Variants in IQGAP1 observed in about 807,000 individuals in gnomAD.
IQGAP1 encodes the protein ras GTPase-activating-like protein IQGAP1.
A neutral mutation model predicts 215.6 loss-of-function variants in IQGAP1; 66 were observed. The ratio of observed to expected loss-of-function variants is 0.31; its 90% CI spans 0.25 to 0.38. The LOEUF (loss-of-function observed/expected upper bound fraction) is 0.38, where lower values mean the gene tolerates loss of function less well. IQGAP1 is among the 10% of genes least tolerant of loss of function. The probability of loss-of-function intolerance (pLI) is 1.00; values close to 1 mark genes in which losing one functional copy is unlikely to be tolerated. For missense variants in IQGAP1, 1,712 were observed against 1,997.1 expected (o/e 0.86, Z 2.72); for synonymous variants, 772 against 728.7 (o/e 1.06, Z -0.96).
At chr15:90,435,031 T>G (rs1459753663) in intron 5 of IQGAP1, among the ~76,000 whole-genome samples, 1 of 152,224 alleles carries the variant, frequency 6.6e-6, no homozygotes, top group Non-Finnish European at 1.5e-5. Flanking sequence ...AGGTATATAA[T>G]ACTGATCTAT....
At chr15:90,406,190 C>T (rs74916059) in intron 2 of IQGAP1, among the ~76,000 whole-genome samples, 2 of 152,174 alleles carry the variant, frequency 1.3e-5, no homozygotes, top group Non-Finnish European at 2.9e-5. Flanking sequence ...TTGTCAGATG[C>T]ATAACTTATG....
chr15:90,450,567 C>T (rs1298668650), intron 11 of IQGAP1, among the ~76,000 whole-genome samples: 2 of 151,652 alleles, frequency 1.3e-5, no homozygotes, highest in Admixed American at 6.6e-5. Flanking sequence ...TTTATATTCC[C>T]ATCAACAGTG....
chr15:90,388,468 G>A (rs1208413750), intron 1 of IQGAP1, 72 bp downstream of exon 1: 11 of 1,351,096 alleles, frequency 8.1e-6, no homozygotes, highest in Non-Finnish European at 9.8e-6. Context: ...TTTTCCTGGG[G>A]GCTCGGCCGG....
intron 26 of IQGAP1, among the ~76,000 whole-genome samples, chr15:90,480,763 G>A (rs559843814): frequency 2.2e-4 from 34 of 152,274 alleles, no homozygotes; most frequent in Middle Eastern, 6.8e-3. Context: ...CTGCCTCCCT[G>A]GTTCAAGCGA....
At chr15:90,405,470 C>A (rs192699651) in intron 2 of IQGAP1, among the ~76,000 whole-genome samples, 3 of 152,164 alleles carry the variant, frequency 2.0e-5, no homozygotes, top group Non-Finnish European at 4.4e-5. Context: ...ATAATTTATT[C>A]TTTGTGTAAA....
At chr15:90,413,806 T>C (rs1965003648) in intron 2 of IQGAP1, among the ~76,000 whole-genome samples, 1 of 152,204 alleles carries the variant, frequency 6.6e-6, no homozygotes, top group African/African-American at 2.4e-5. Flanking sequence ...TGAAGTTTGG[T>C]GTGTTGCTAA....
At chr15:90,429,774 G>T in intron 4 of IQGAP1, 108 bp downstream of exon 4, 1 of 631,712 alleles carries the variant, frequency 1.6e-6, no homozygotes, top group South Asian at 2.7e-5. Context: ...AATCTTTGGT[G>T]TTTTTTTAAA....
chr15:90,453,050 A>G, intron 12 of IQGAP1, 82 bp from the exon 13 acceptor site: 1 of 1,552,600 alleles, frequency 6.4e-7, no homozygotes, highest in Non-Finnish European at 8.7e-7. Flanking sequence ...TGGTTTTCTT[A>G]CAGTTTTATT....
In IQGAP1 at chr15:90,426,271, G is replaced by A. The variant is rs1965221749; in HGVS notation, c.312+5G>A. The A allele has an allele frequency of 6.3e-7, 1 of 1,580,186 alleles. No homozygotes were observed. The highest frequency in any genetic ancestry group is 8.5e-7 in the Non-Finnish European group (1 of 1,170,330). On this transcript the variant is annotated splice_donor_5th_base_variant and intron_variant, in intron 3 of 37. Coordinates refer to ENST00000268182, the MANE Select transcript of IQGAP1 (RefSeq NM_003870.4). ...CGAGAACAGACCAGATACAAGGTGA[G>A]TCCTTCCTTGCTTTGTGCTTAGATT...
In IQGAP1 at chr15:90,486,789, T is replaced by A; in HGVS notation, c.4025-165T>A. On this transcript the variant is annotated intron_variant, in intron 31 of 37. Coordinates refer to ENST00000268182, the MANE Select transcript of IQGAP1 (RefSeq NM_003870.4). ...ATTATGGATCCCTTGCCTTTATCAT[T>A]TGGCATAACATTTTATTTCTCAGTA... 3 of 669,626 alleles carry A rather than the reference T, an allele frequency of 4.5e-6. No homozygotes were observed. The South Asian group carries it at 5.8e-5, about 13-fold the overall frequency. The allele number at this position is 669,626 out of a possible 1,614,324, so 41.5% of individuals were successfully genotyped here.
intron 2 of IQGAP1, among the ~76,000 whole-genome samples, chr15:90,406,495 G>A (rs1447483216): frequency 6.6e-6 from 1 of 152,222 alleles, no homozygotes; most frequent in Admixed American, 6.5e-5. Flanking sequence ...AAGTGTTCTG[G>A]AATTAGATAG....
chr15:90,457,791 G>A (rs552885244), intron 15 of IQGAP1, among the ~76,000 whole-genome samples: 1 of 152,120 alleles, frequency 6.6e-6, no homozygotes, highest in Admixed American at 6.6e-5. Context: ...AAACATATAT[G>A]TGCATTTCTG....
Position 90,497,325 on chromosome 15 carries a change from T to C in IQGAP1, c.4845T>C (p.Phe1615=). Residue 1615 remains phenylalanine (F), a synonymous_variant, in exon 37 of 38, where the codon TTT becomes TTC. Transcript: ENST00000268182. The stretch of plus-strand genomic sequence containing the variant: ...TCATGGGAGTTCAAATGGAGACTTT[T>C]ATGTTACATTATCAGGTGGGTATGC... ...AKFMGVQMET[F]MLHYQDLLQL... 1.3e-6 allele frequency: 2 copies of C among 1,589,880 alleles called. No homozygotes were observed. Among genetic ancestry groups the C allele is most frequent in the Non-Finnish European group, 1.7e-6 (2 of 1,158,130 alleles).
intron 36 of IQGAP1, 128 bp from the exon 37 acceptor site, chr15:90,497,104 C>G: frequency 1.6e-6 from 1 of 607,426 alleles, no homozygotes; most frequent in Non-Finnish European, 3.0e-6. Flanking sequence ...TGCAGAAGTA[C>G]TTTTGACCTG....
At chr15:90,446,598 C>G (rs1463386768) in intron 9 of IQGAP1, among the ~76,000 whole-genome samples, 1 of 152,082 alleles carries the variant, frequency 6.6e-6, no homozygotes, top group Non-Finnish European at 1.5e-5. Context: ...ACAGTCTTTT[C>G]CTAATTGTAG....
rs1026584337 is a variant in IQGAP1 at position 90,448,609 on chromosome 15, A to G, written c.950A>G (p.Glu317Gly). 6.2e-7 allele frequency: 1 copy of G among 1,601,736 alleles called. No individual in the cohort carries two copies. The highest frequency in any genetic ancestry group is 8.5e-7 in the Non-Finnish European group (1 of 1,174,864). ...TTAGCAAATATCGACCTGGCTTTAG[A>G]ACAAGGAGATGCACTGGCCTTGTTC... The part of the protein sequence containing the change: ...SALANIDLAL[E>G]QGDALALFRA... The change falls in exon 10 of 38, where the codon GAA becomes GGA. Residue 317 changes from glutamate (E) to glycine (G), a missense_variant. This residue lies in a region of IQGAP1 where 1,021 missense variants were observed against 1,074.2 expected (regional missense o/e 0.95). Coordinates refer to ENST00000268182, the MANE Select transcript of IQGAP1 (RefSeq NM_003870.4).
Position 90,482,019 on chromosome 15 carries a change from G to A in IQGAP1, c.3389G>A (p.Arg1130Gln), listed in dbSNP as rs759321364. Residue 1130 changes from arginine to glutamine, a missense_variant, in exon 27 of 38, where the codon CGG becomes CAG. Physicochemically the swap from Arg to Gln is conservative, Grantham distance 43. Transcript: ENST00000268182. ...CTAGCTCATGAAGAAGTGAAGACAC[G>A]GCTAGACAGCTCCATCAGGAACATG... ...QALAHEEVKTRLDSSIRNMRA... is the reference protein window; with the variant it reads ...QALAHEEVKTQLDSSIRNMRA... 6.8e-6 allele frequency: 11 copies of A among 1,614,066 alleles called. No homozygotes were observed. The highest frequency in any genetic ancestry group is 4.0e-5 in the African/African-American group (3 of 74,914).
Position 90,394,448 on chromosome 15 carries a change from C to A in IQGAP1, c.155+3575C>A, listed in dbSNP as rs373607869. ...TGGTGAGAAAAGAGGACTAGAATCC[C>A]TGTCAGCCACCTATGTGGCTGCTGC... On this transcript the variant is annotated intron_variant, in intron 2 of 37. Transcript: ENST00000268182. Among the ~76,000 whole-genome samples, 755 of 152,294 alleles carry A rather than the reference C, an allele frequency of 5.0e-3. 3 individuals are homozygous for A. Among genetic ancestry groups the A allele is most frequent in the African/African-American group, 0.017 (719 of 41,554 alleles).
chr15:90,455,249 T>C (rs1219994830), intron 14 of IQGAP1, among the ~76,000 whole-genome samples: 1 of 152,214 alleles, frequency 6.6e-6, no homozygotes, highest in Non-Finnish European at 1.5e-5. Flanking sequence ...ATTGATAGTA[T>C]TGGCTTTGCG....
Sources: allele counts gnomAD v4.1 joint callset (sites outside exome capture counted in the v4.1 genomes callset), GRCh38; gene constraint gnomAD v4.1.1; regional missense constraint gnomAD v4.1.1; transcripts MANE v1.5; gene names NCBI Gene and HGNC (gene_info 2026-07-23, HGNC 2026-07-21).